FRMD4A: variants seen among roughly 807,000 people sequenced by gnomAD.
FRMD4A encodes the protein FERM domain-containing protein 4A.
Under a neutral mutation model 129.1 loss-of-function variants are expected in FRMD4A, and 29 were observed. That is an observed-to-expected ratio of 0.22 (90% CI 0.17 to 0.31). The LOEUF is 0.31. FRMD4A is among the 10% of genes least tolerant of loss of function. The pLI is 1.00. For synonymous variants in FRMD4A, 634 were observed against 571.6 expected (o/e 1.11, Z -1.56); for missense variants, 1,272 against 1,375.8 (o/e 0.92, Z 1.19).
chr10:14,021,481 C>T (rs1472216635), intron 2 of FRMD4A, among the ~76,000 whole-genome samples: 5 of 151,996 alleles, frequency 3.3e-5, no homozygotes, highest in Non-Finnish European at 7.4e-5. Context: ...TGTTTGAGCC[C>T]AGGAGGTCGA....
At chr10:14,054,291 C>G (rs1238897988) in intron 2 of FRMD4A, among the ~76,000 whole-genome samples, 1 of 152,172 alleles carries the variant, frequency 6.6e-6, no homozygotes, top group Admixed American at 6.5e-5. Context: ...CTTGCCACCT[C>G]TTCTGTGGCT....
intron 2 of FRMD4A, among the ~76,000 whole-genome samples, chr10:14,214,596 T>C (rs1210060732): frequency 6.6e-6 from 1 of 152,256 alleles, no homozygotes; most frequent in Non-Finnish European, 1.5e-5. Flanking sequence ...TCTCTATTTC[T>C]ACCATATTTT....
At chr10:13,661,458 G>A (rs1290880046) in intron 19 of FRMD4A, among the ~76,000 whole-genome samples, 2 of 152,196 alleles carry the variant, frequency 1.3e-5, no homozygotes, top group African/African-American at 4.8e-5. Context: ...AGGAGGGGCA[G>A]GGGGAGTAAG....
chr10:13,934,929 C>T (rs780666955), intron 2 of FRMD4A, among the ~76,000 whole-genome samples: 16 of 152,084 alleles, frequency 1.1e-4, no homozygotes, highest in Non-Finnish European at 2.2e-4. Context: ...GTAGCTTTGG[C>T]GTCAGGTGAG....
chr10:14,303,209 G>C (rs1846242574), intron 2 of FRMD4A, among the ~76,000 whole-genome samples: 1 of 152,166 alleles, frequency 6.6e-6, no homozygotes, highest in Admixed American at 6.5e-5. Flanking sequence ...TAACCCCACA[G>C]TTCTAGGGTA....
intron 3 of FRMD4A, among the ~76,000 whole-genome samples, chr10:13,856,516 A>C (rs1358669079): frequency 6.6e-6 from 1 of 152,080 alleles, no homozygotes; most frequent in Non-Finnish European, 1.5e-5. Context: ...ATGTCATAAG[A>C]AAGAAACGCA....
At chr10:14,296,924 T>G (rs1846027914) in intron 2 of FRMD4A, among the ~76,000 whole-genome samples, 1 of 152,120 alleles carries the variant, frequency 6.6e-6, no homozygotes. Flanking sequence ...CTTCCTTCTG[T>G]GCCAGGGGAG....
intron 2 of FRMD4A, among the ~76,000 whole-genome samples, chr10:14,272,261 C>A (rs1845186110): frequency 1.3e-5 from 2 of 152,110 alleles, no homozygotes; most frequent in African/African-American, 4.8e-5. Context: ...GGCTCTGAAC[C>A]CCTCAGCTAG....
chr10:14,189,118 T>A (rs997716576), intron 2 of FRMD4A, among the ~76,000 whole-genome samples: 1 of 152,176 alleles, frequency 6.6e-6, no homozygotes, highest in African/African-American at 2.4e-5. Context: ...TGGTGTCCTA[T>A]AGACAGTGAG....
chr10:14,192,419 T>C (rs1842346479), intron 2 of FRMD4A, among the ~76,000 whole-genome samples: 1 of 152,198 alleles, frequency 6.6e-6, no homozygotes, highest in Admixed American at 6.5e-5. Flanking sequence ...AAAGTGTAAA[T>C]ATCAGGAAAT....
chr10:14,258,737 T>C (rs1168935810), intron 2 of FRMD4A, among the ~76,000 whole-genome samples: 1 of 152,210 alleles, frequency 6.6e-6, no homozygotes, highest in Non-Finnish European at 1.5e-5. Context: ...GTTGTTTTAT[T>C]TGTGATAGCC....
intron 2 of FRMD4A, among the ~76,000 whole-genome samples, chr10:14,204,585 C>T (rs1364036774): frequency 6.6e-6 from 1 of 152,116 alleles, no homozygotes; most frequent in Non-Finnish European, 1.5e-5. Flanking sequence ...ATGAATAGAT[C>T]CAGACCCACT....
At chr10:14,205,099 T>G (rs1259112132) in intron 2 of FRMD4A, among the ~76,000 whole-genome samples, 1 of 149,566 alleles carries the variant, frequency 6.7e-6, no homozygotes, top group Non-Finnish European at 1.5e-5. Flanking sequence ...TGAGACAGTG[T>G]AAACCAAAAT....
At chr10:14,110,479 T>A (rs1305062192) in intron 2 of FRMD4A, among the ~76,000 whole-genome samples, 2 of 152,172 alleles carry the variant, frequency 1.3e-5, no homozygotes, top group Non-Finnish European at 2.9e-5. Flanking sequence ...GTAAGGCTAT[T>A]CTCTTTTATA....
chr10:14,087,401 C>T (rs1836352720), intron 2 of FRMD4A: 1 of 149,170 alleles, frequency 6.7e-6, no homozygotes, highest in Admixed American at 6.7e-5. Flanking sequence ...CTATTTAATT[C>T]CAAGCATTGG....
chr10:13,999,031 C>T (rs553315818), intron 2 of FRMD4A, among the ~76,000 whole-genome samples: 3 of 152,192 alleles, frequency 2.0e-5, no homozygotes, highest in Admixed American at 6.6e-5. Context: ...CCCCTTCACT[C>T]TGCTCCAGCT....
intron 2 of FRMD4A, among the ~76,000 whole-genome samples, chr10:14,044,744 T>G (rs921766255): frequency 3.3e-5 from 5 of 152,192 alleles, no homozygotes; most frequent in African/African-American, 1.2e-4. Flanking sequence ...AGCCAGCCAG[T>G]TTGTGACATT....
intron 12 of FRMD4A, among the ~76,000 whole-genome samples, chr10:13,728,128 T>C (rs1206243619): frequency 6.6e-6 from 1 of 152,178 alleles, no homozygotes; most frequent in East Asian, 1.9e-4. Flanking sequence ...AACTAGAAAG[T>C]CTAGGAATAC....
At chr10:14,291,865 C>T (rs61836119) in intron 2 of FRMD4A, among the ~76,000 whole-genome samples, 17,660 of 151,252 alleles carry the variant, frequency 0.12, 1,140 homozygotes, top group Middle Eastern at 0.23. Context: ...AAAGAATTAG[C>T]GAATAAATTA....
Sources: allele counts gnomAD v4.1 joint callset (sites outside exome capture counted in the v4.1 genomes callset), GRCh38; gene constraint gnomAD v4.1.1; transcripts MANE v1.5; gene names NCBI Gene and HGNC (gene_info 2026-07-23, HGNC 2026-07-21).